TASP1: variants seen among roughly 807,000 people sequenced by gnomAD.
TASP1 encodes the protein taspase 1, also known as threonine aspartase 1.
TASP1 carries 16 observed loss-of-function variants against 56.6 expected under a neutral mutation model. The ratio of observed to expected loss-of-function variants is 0.28; its 90% CI spans 0.19 to 0.43. The LOEUF (loss-of-function observed/expected upper bound fraction) is 0.43. Ranked by LOEUF, TASP1 falls within the 20% of genes least tolerant of loss-of-function variation. TASP1 has a pLI of 1.00. For missense variants in TASP1, 393 were observed against 511.6 expected, an observed-to-expected ratio of 0.77 and a Z score of 2.24; for synonymous variants, 179 against 184.2, an observed-to-expected ratio of 0.97 and a Z score of 0.23.
the TASP1 span, among the ~76,000 whole-genome samples, chr20:13,283,792 G>A: frequency 6.6e-6 from 1 of 152,124 alleles, no homozygotes; most frequent in Non-Finnish European, 1.5e-5. Context: ...TTGTTACTTG[G>A]GTTAGGACCC....
intron 4 of TASP1, among the ~76,000 whole-genome samples, chr20:13,618,876 T>C (rs1227536633): frequency 6.6e-6 from 1 of 151,324 alleles, no homozygotes. Context: ...CACTATTCTT[T>C]TTTTTTTTTT....
chr20:13,596,692 C>T (rs6105137), intron 4 of TASP1, among the ~76,000 whole-genome samples: 77,449 of 151,954 alleles, frequency 0.51, 21,959 homozygotes, highest in African/African-American at 0.77. Flanking sequence ...TAGAGCAGAA[C>T]TGAAGGAGAC....
At chr20:13,402,216 T>C (rs1055680129) in intron 13 of TASP1, among the ~76,000 whole-genome samples, 2 of 152,216 alleles carry the variant, frequency 1.3e-5, no homozygotes, top group African/African-American at 2.4e-5. Context: ...TTTGGAGCAA[T>C]GTTGAATGAA....
At chr20:13,511,548 CCTTCA>C (rs1486723454) in intron 10 of TASP1, among the ~76,000 whole-genome samples, 1 of 152,010 alleles carries the variant, frequency 6.6e-6, no homozygotes, top group Non-Finnish European at 1.5e-5. Flanking sequence ...CTTAAACTAC[CCTTCA>C]CTTCATAGAA....
intron 7 of TASP1, among the ~76,000 whole-genome samples, chr20:13,562,561 T>G (rs1398714097): frequency 6.6e-6 from 1 of 152,172 alleles, no homozygotes; most frequent in South Asian, 2.1e-4. Context: ...GTGGGGACAT[T>G]ACTACTGATT....
chr20:13,174,716 G>A, the TASP1 span, among the ~76,000 whole-genome samples: 5 of 150,980 alleles, frequency 3.3e-5, no homozygotes, highest in African/African-American at 1.2e-4. Context: ...AAAAAAAAGA[G>A]ATATTCCATA....
chr20:13,244,952 G>A, the TASP1 span, among the ~76,000 whole-genome samples: 7 of 152,312 alleles, frequency 4.6e-5, no homozygotes, highest in East Asian at 5.8e-4. Flanking sequence ...TGGAAACAAT[G>A]AAAGAAAGGA....
intron 10 of TASP1, among the ~76,000 whole-genome samples, chr20:13,513,413 G>T (rs1285331694): frequency 1.3e-5 from 2 of 151,950 alleles, no homozygotes; most frequent in African/African-American, 4.8e-5. Flanking sequence ...AGGGAGGGAG[G>T]GAGGGAGAGA....
At chr20:13,551,740 A>T (rs889514496) in intron 8 of TASP1, among the ~76,000 whole-genome samples, 4 of 152,218 alleles carry the variant, frequency 2.6e-5, no homozygotes, top group Non-Finnish European at 2.9e-5. Flanking sequence ...TAATGAGTTA[A>T]ACACTTCATT....
At chr20:13,465,085 C>T (rs932992923) in intron 11 of TASP1, among the ~76,000 whole-genome samples, 1 of 148,714 alleles carries the variant, frequency 6.7e-6, no homozygotes, top group Non-Finnish European at 1.5e-5. Flanking sequence ...GTGGGAGGAT[C>T]GCTTAAGCCC....
the TASP1 span, among the ~76,000 whole-genome samples, chr20:13,125,675 C>T: frequency 4.6e-5 from 7 of 152,324 alleles, no homozygotes; most frequent in African/African-American, 1.4e-4. Context: ...AATGGTCCTT[C>T]TCTGTTCCAC....
intron 5 of TASP1, among the ~76,000 whole-genome samples, chr20:13,584,063 C>A (rs2047216769): frequency 6.6e-6 from 1 of 150,430 alleles, no homozygotes; most frequent in African/African-American, 2.4e-5. Flanking sequence ...TCGGCCAACA[C>A]CCAGAGCTAG....
the TASP1 span, among the ~76,000 whole-genome samples, chr20:13,144,169 C>T: frequency 6.6e-6 from 1 of 152,192 alleles, no homozygotes. Flanking sequence ...TCCCCATCCC[C>T]AAACTTGTGT....
the TASP1 span, among the ~76,000 whole-genome samples, chr20:13,205,825 G>A: frequency 7.9e-5 from 12 of 152,320 alleles, no homozygotes; most frequent in South Asian, 2.1e-3. Context: ...GACTGAGAGT[G>A]CCAATGAGCA....
At chr20:13,247,364 C>T in the TASP1 span, among the ~76,000 whole-genome samples, 9 of 152,294 alleles carry the variant, frequency 5.9e-5, no homozygotes, top group African/African-American at 9.6e-5. Context: ...TAAGTGTCAG[C>T]GTGTCCCTTC....
intron 13 of TASP1, among the ~76,000 whole-genome samples, chr20:13,402,325 T>C (rs1158222810): frequency 6.6e-6 from 1 of 152,238 alleles, no homozygotes; most frequent in African/African-American, 2.4e-5. Flanking sequence ...CTGTTTTTCA[T>C]ACATTCAATC....
chr20:13,512,798 C>A (rs1025348938), intron 10 of TASP1, among the ~76,000 whole-genome samples: 1 of 152,160 alleles, frequency 6.6e-6, no homozygotes, highest in Non-Finnish European at 1.5e-5. Flanking sequence ...AGGAAGGGAT[C>A]CAGTTTCAGC....
the TASP1 span, among the ~76,000 whole-genome samples, chr20:13,172,109 A>G: frequency 6.6e-6 from 1 of 152,150 alleles, no homozygotes; most frequent in Non-Finnish European, 1.5e-5. Flanking sequence ...TACAGGAGGA[A>G]CAATATCCAT....
chr20:13,463,435 AGCT>A (rs2044132245), intron 11 of TASP1, among the ~76,000 whole-genome samples: 1 of 152,124 alleles, frequency 6.6e-6, no homozygotes, highest in African/African-American at 2.4e-5. Flanking sequence ...ACAGGGGGCA[AGCT>A]TCATGACATT....
Sources: allele counts gnomAD v4.1 joint callset (sites outside exome capture counted in the v4.1 genomes callset), GRCh38; gene constraint gnomAD v4.1.1; transcripts MANE v1.5; gene names NCBI Gene and HGNC (gene_info 2026-07-23, HGNC 2026-07-21).